IFIH1: variants seen among roughly 807,000 people sequenced by gnomAD.
IFIH1 encodes the protein interferon induced with helicase C domain 1, also known as interferon-induced helicase C domain-containing protein 1.
In IFIH1, 125 loss-of-function variants were observed where a neutral mutation model predicts 107.4. That is an observed-to-expected ratio of 1.16 (90% CI 1.01 to 1.35). The LOEUF (loss-of-function observed/expected upper bound fraction) is 1.35, where lower values mean the gene tolerates loss of function less well. Among genes scored for constraint, IFIH1 ranks in the 40% most tolerant of loss-of-function variants. IFIH1 has a pLI of 0.00. For synonymous variants in IFIH1, 458 were observed against 413.2 expected (o/e 1.11, Z -1.31); for missense variants, 1,333 against 1,213.7 (o/e 1.10, Z -1.46).
At chr2:162,294,067 GAATT>G (rs1475466974) in intron 3 of IFIH1, among the ~76,000 whole-genome samples, 10 of 151,906 alleles carry the variant, frequency 6.6e-5, no homozygotes, top group Middle Eastern at 3.4e-3. Flanking sequence ...AAATGATAGG[GAATT>G]AATAAAGTAC....
chr2:162,318,303 G>C lies in IFIH1; in HGVS notation c.5C>G (p.Ser2Trp). ...ATTCTCGTCTGTGGAATACCCATTC[G>C]ACATCTTTCTTTCTCAGAGAAGGGA... M[S>W]NGYSTDENFR... The change falls in exon 1 of 16, where the codon TCG becomes TGG. Residue 2 changes from serine (S) to tryptophan (W), a missense_variant. By Grantham distance (177) the Ser-to-Trp change is radical. Coordinates refer to ENST00000649979, the MANE Select transcript of IFIH1 (RefSeq NM_022168.4). The C allele has an allele frequency of 6.2e-7, 1 of 1,609,224 alleles. No homozygotes were observed. Among genetic ancestry groups the C allele is most frequent in the Non-Finnish European group, 8.5e-7 (1 of 1,176,120 alleles).
At position 162,282,501 on chromosome 2, in the gene IFIH1, T is replaced by C; in HGVS notation, c.1171A>G (p.Ser391Gly). 1 of 1,611,818 alleles carries C rather than the reference T, an allele frequency of 6.2e-7. No homozygotes were observed. Among genetic ancestry groups the C allele is most frequent in the Non-Finnish European group, 8.5e-7 (1 of 1,178,606 alleles). The change falls in exon 6 of 16, where the codon AGT becomes GGT. Residue 391 changes from serine to glycine, a missense_variant. By Grantham distance (56) the Ser-to-Gly change is moderately conservative. Transcript: ENST00000649979. ...GATATTTTCAGTTGGGTATCACCAC[T>C]TAATCCAATAACACGATACCATTTC... Reference protein sequence around the residue: ...LKKWYRVIGLSGDTQLKISFP... With the variant: ...LKKWYRVIGLGGDTQLKISFP...
Position 162,282,143 on chromosome 2 carries a change from C to A in IFIH1, c.1306+223G>T, listed in dbSNP as rs1003107394. ...GAACTTGTCAGAATAAATGGAAAGT[C>A]CAGCGAGTGCTTGCCTTAATAATGG... On this transcript the variant is annotated intron_variant, in intron 6 of 15. Transcript: ENST00000649979. Among the ~76,000 whole-genome samples the A allele has an allele frequency of 2.0e-5, 3 of 152,012 alleles. No individual in the cohort carries two copies. In the East Asian group the frequency reaches 5.8e-4, roughly 29 times the overall value.
chr2:162,283,686 G>A (rs895931277), intron 5 of IFIH1, among the ~76,000 whole-genome samples: 4 of 151,922 alleles, frequency 2.6e-5, no homozygotes, highest in Non-Finnish European at 5.9e-5. Flanking sequence ...TTTTACTTGA[G>A]GTAAGTCCCA....
chr2:162,314,417 T>C lies in IFIH1; in HGVS notation c.453+3438A>G, dbSNP rs1268594297. On this transcript the variant is annotated intron_variant, in intron 1 of 15. Coordinates refer to ENST00000649979, the MANE Select transcript of IFIH1 (RefSeq NM_022168.4). ...CTCCCTCCTTTCTTTCTTTCTTTCTTTTCTTTCTTTCTTTCTTTCTTTCTT... is the reference window on the plus strand; with the variant it reads ...CTCCCTCCTTTCTTTCTTTCTTTCTCTTCTTTCTTTCTTTCTTTCTTTCTT... 2.6e-3 allele frequency among the ~76,000 whole-genome samples: 73 copies of C among 28,144 alleles called. 7 individuals carry two copies. Among genetic ancestry groups the C allele is most frequent in the African/African-American group, 0.015 (70 of 4,520 alleles). The allele number at this position is 28,144 out of a possible 152,430, so 18.5% of individuals were successfully genotyped here. A position where few individuals can be genotyped will look rare whatever the true frequency, so the allele number is the denominator to read the frequency against.
In IFIH1 at chr2:162,267,514, G is replaced by C. The variant is rs144455277; in HGVS notation, c.2863C>G (p.Gln955Glu). Residue 955 changes from glutamine (Q) to glutamate (E), a missense_variant, in exon 15 of 16, where the codon CAA becomes GAA. Gln to Glu is a conservative substitution (Grantham distance 29). Transcript: ENST00000649979. ...TTGCAGATGATTTCACCATTTATTT[G>C]ATAGTCGGCACACTTCTTTTGCAGT... The part of the protein sequence containing the change: ...KALQKKCADY[Q>E]INGEIICKCG... 1.1e-3 allele frequency: 1,835 copies of C among 1,613,886 alleles called. 3 individuals are homozygous for C. The highest frequency in any genetic ancestry group is 2.6e-3 in the Middle Eastern group (16 of 6,060).
chr2:162,272,082 G>A, intron 13 of IFIH1, 144 bp downstream of exon 13: 1 of 671,614 alleles, frequency 1.5e-6, no homozygotes. Context: ...CTCTGCATGT[G>A]AATCTGGATT....
At chr2:162,269,369 G>T (rs1690990252) in intron 13 of IFIH1, among the ~76,000 whole-genome samples, 1 of 152,184 alleles carries the variant, frequency 6.6e-6, no homozygotes, top group African/African-American at 2.4e-5. Context: ...AAAGCCCAAT[G>T]CTATAACAGC....
intron 13 of IFIH1, among the ~76,000 whole-genome samples, chr2:162,271,036 T>C (rs1691025900): frequency 6.6e-6 from 1 of 152,168 alleles, no homozygotes; most frequent in Non-Finnish European, 1.5e-5. Context: ...TTGTTTGCTA[T>C]TATAGTAGTT....
Position 162,268,264 on chromosome 2 carries a change from T to A in IFIH1, c.2630A>T (p.Gln877Leu). ...TTTCTTTTCCATTATACTTTGCATC[T>A]GTAATTCCAAAATCTGGACAGAGAA... ...EEYAHKILEL[Q>L]MQSIMEKKMK... Residue 877 changes from glutamine to leucine, a missense_variant, in exon 14 of 16, where the codon CAG becomes CTG. Coordinates refer to ENST00000649979, the MANE Select transcript of IFIH1 (RefSeq NM_022168.4). 1 of 1,605,222 alleles carries A rather than the reference T, an allele frequency of 6.2e-7. No individual in the cohort carries two copies. Among genetic ancestry groups the A allele is most frequent in the South Asian group, 1.1e-5 (1 of 90,012 alleles).
At chr2:162,310,692 G>A (rs1683370993) in intron 2 of IFIH1, 73 bp downstream of exon 2, 3 of 1,276,288 alleles carry the variant, frequency 2.4e-6, no homozygotes, top group African/African-American at 1.5e-5. Flanking sequence ...TTAGCATTGT[G>A]TCTTTCTGCT....
intron 13 of IFIH1, among the ~76,000 whole-genome samples, chr2:162,270,251 G>C (rs1691009345): frequency 6.6e-6 from 1 of 152,172 alleles, no homozygotes; most frequent in Non-Finnish European, 1.5e-5. Flanking sequence ...ATCAATGCTA[G>C]AGAAAAACAT....
intron 5 of IFIH1, among the ~76,000 whole-genome samples, chr2:162,287,261 A>T (rs1039764873): frequency 6.6e-6 from 1 of 151,974 alleles, no homozygotes; most frequent in Non-Finnish European, 1.5e-5. Context: ...GAAATAAAAA[A>T]TAGAATATTT....
chr2:162,294,466 A>G (rs1002465034), intron 3 of IFIH1, among the ~76,000 whole-genome samples: 3 of 151,978 alleles, frequency 2.0e-5, no homozygotes, highest in African/African-American at 7.2e-5. Flanking sequence ...CTATCGTTAA[A>G]CTGGTAAAAA....
chr2:162,288,738 A>G (rs1333353415), intron 4 of IFIH1, among the ~76,000 whole-genome samples: 2 of 151,906 alleles, frequency 1.3e-5, no homozygotes, highest in Admixed American at 6.6e-5. Flanking sequence ...TGGAGCCACT[A>G]TGCCCTGCTT....
At chr2:162,313,689 T>C (rs184464302) in intron 1 of IFIH1, among the ~76,000 whole-genome samples, 14 of 152,240 alleles carry the variant, frequency 9.2e-5, no homozygotes, top group Admixed American at 9.2e-4. Flanking sequence ...AACTCTCAGA[T>C]AAAAGTAAAT....
In IFIH1 at chr2:162,276,723, T is replaced by A; in HGVS notation, c.2268A>T (p.Gly756=). ...GTTTGAACTCACTGCTGTGTCCAGC[T>A]CCAATCAGATGGTGGGCTTTGACTC... ...EVGVKAHHLI[G]AGHSSEFKPM... The change falls in exon 11 of 16, where the codon GGA becomes GGT. Residue 756 remains glycine, a synonymous_variant. Coordinates refer to ENST00000649979, the MANE Select transcript of IFIH1 (RefSeq NM_022168.4). 6.2e-7 allele frequency: 1 copy of A among 1,614,018 alleles called. No individual in the cohort carries two copies. Among genetic ancestry groups the A allele is most frequent in the Non-Finnish European group, 8.5e-7 (1 of 1,179,932 alleles).
chr2:162,288,297 G>C lies in IFIH1; in HGVS notation c.933C>G (p.Tyr311Ter). ...SPEPELQLRPYQMEVAQPALE... is the reference protein window; with the variant it reads ...SPEPELQLRP The stretch of plus-strand genomic sequence containing the variant: ...AGGCTGGCTGGGCAACTTCCATTTG[G>C]TAAGGCCTGAGCTGGAGTTCTGGCT... The change falls in exon 5 of 16, where the codon TAC becomes TAG. Residue 311 changes from tyrosine to a stop codon, truncating the protein, a stop_gained. Coordinates refer to ENST00000649979, the MANE Select transcript of IFIH1 (RefSeq NM_022168.4). LOFTEE classifies it high-confidence loss of function. 6.2e-7 allele frequency: 1 copy of C among 1,612,794 alleles called. No homozygotes were observed. Among genetic ancestry groups the C allele is most frequent in the Non-Finnish European group, 8.5e-7 (1 of 1,179,236 alleles).
At position 162,268,203 on chromosome 2, in the gene IFIH1, C is replaced by T. The variant is rs751807269; in HGVS notation, c.2691G>A (p.Lys897=). Residue 897 remains lysine, a synonymous_variant, in exon 14 of 16, where the codon AAG becomes AAA. Transcript: ENST00000649979. ...GGAAAGTTATTAGTGATGGGTTATT[C>T]TTGTAATGCTTGGCAATATTTCTCT... ...KTKRNIAKHY[K]NNPSLITFLC... 2 of 1,612,726 alleles carry T rather than the reference C, an allele frequency of 1.2e-6. No individual in the cohort carries two copies. Among genetic ancestry groups the T allele is most frequent in the East Asian group, 4.5e-5 (2 of 44,848 alleles).
Sources: gnomAD v4.1 joint callset for allele counts (sites outside exome capture counted in the v4.1 genomes callset) on GRCh38, gnomAD v4.1.1 for gene constraint, MANE v1.5 for transcripts, NCBI Gene and HGNC (gene_info 2026-07-23, HGNC 2026-07-21) for gene names.